The following DCHS2 variants were observed in gnomAD, a reference collection of about 807,000 sequenced individuals.
The protein encoded by DCHS2 is dachsous cadherin-related 2.
DCHS2 carries 142 observed loss-of-function variants against 182.4 expected under a neutral mutation model. The observed-to-expected ratio is 0.78, with a 90% CI of 0.68 to 0.89. The LOEUF (loss-of-function observed/expected upper bound fraction) is 0.89, where lower values mean the gene tolerates loss of function less well. Among genes scored for constraint, DCHS2 ranks in the 40% least tolerant of loss-of-function variants. The pLI, the probability that DCHS2 is intolerant of heterozygous loss-of-function variation, is 0.00. For synonymous variants in DCHS2, 1,740 were observed against 1,663.3 expected (o/e 1.05, Z -1.12); for missense variants, 4,319 against 4,198.6 (o/e 1.03, Z -0.79).
In DCHS2 at chr4:154,383,023, A is replaced by T. The variant is rs557564917; in HGVS notation, c.2053-5579T>A. Among the ~76,000 whole-genome samples the T allele has an allele frequency of 1.5e-4, 23 of 152,366 alleles. No individual in the cohort carries two copies. In the East Asian group the frequency reaches 3.3e-3, roughly 22 times the overall value. On this transcript the variant is annotated intron_variant, in intron 1 of 19. Coordinates refer to ENST00000357232, the MANE Select transcript of DCHS2 (RefSeq NM_001358235.2). ...AGGAAAATAAATTATTCTACCAAAA[A>T]GACACATGCACTTGCATATTCATCA... is the stretch of plus-strand genomic sequence containing the variant.
rs781672624 is a variant in DCHS2, at chr4:154,329,615, C to T, written c.3826G>A (p.Ala1276Thr). 6 of 1,612,956 alleles carry T rather than the reference C, an allele frequency of 3.7e-6. No homozygotes were observed. Among genetic ancestry groups the T allele is most frequent in the South Asian group, 2.2e-5 (2 of 91,032 alleles). ...VTDRGSPPRN[A>T]TMAVYVSVTD... ...ACTGAGACGTAAACCGCCATGGTGG[C>T]GTTTCGTGGTGGGGAGCCGCGGTCT... Residue 1276 changes from alanine (A) to threonine (T), a missense_variant, in exon 6 of 20, where the codon GCC becomes ACC. By Grantham distance (58) the Ala-to-Thr change is moderately conservative (BLOSUM62 0). Transcript: ENST00000357232.
rs751710208 is a variant in DCHS2 at position 154,235,045 on chromosome 4, C to A, written c.9607G>T (p.Glu3203Ter). 6.2e-7 allele frequency: 1 copy of A among 1,613,986 alleles called. No homozygotes were observed. Among genetic ancestry groups the A allele is most frequent in the Non-Finnish European group, 8.5e-7 (1 of 1,179,962 alleles). ...TGATCACCTGAAATAAAGACAGACTCTTTTCTAACGTCAGCCAGGATGCTC... is the reference window on the plus strand; with the variant it reads ...TGATCACCTGAAATAAAGACAGACTATTTTCTAACGTCAGCCAGGATGCTC... ...KESILADVRKESVFISGDQEV... is the reference protein window; with the variant it reads ...KESILADVRK The change falls in exon 20 of 20, where the codon GAG becomes TAG. Residue 3203 changes from glutamate to a stop codon, truncating the protein, a stop_gained. Coordinates refer to ENST00000357232, the MANE Select transcript of DCHS2 (RefSeq NM_001358235.2). LOFTEE classifies it low-confidence loss of function (END_TRUNC).
In DCHS2 at chr4:154,236,980, G is replaced by A. The variant is rs1185840282; in HGVS notation, c.7672C>T (p.Leu2558=). ...EFTVKSYNLS[L]SEDALVGSTL... ...CTTCCAACCAGAGCATCCTCACTTAGGCTAAGATTATAGGATTTGACTGTG... is the reference window on the plus strand; with the variant it reads ...CTTCCAACCAGAGCATCCTCACTTAAGCTAAGATTATAGGATTTGACTGTG... The change falls in exon 20 of 20, where the codon CTA becomes TTA. Residue 2558 remains leucine (L), a synonymous_variant. Transcript: ENST00000357232. The A allele has an allele frequency of 1.2e-6, 2 of 1,613,906 alleles. No homozygotes were observed. Among genetic ancestry groups the A allele is most frequent in the African/African-American group, 1.3e-5 (1 of 74,920 alleles).
In DCHS2 at chr4:154,348,003, A is replaced by G. The variant is rs529975550; in HGVS notation, c.2477-12899T>C. The stretch of plus-strand genomic sequence containing the variant: ...GACTCTTATAGTTTGCATGGGGTTT[A>G]CAATGTGTTCCCCTAAGTTAATATT... On this transcript the variant is annotated intron_variant, in intron 3 of 19. Transcript: ENST00000357232. Among the ~76,000 whole-genome samples the G allele has an allele frequency of 2.0e-5, 3 of 152,142 alleles. No homozygotes were observed. In the East Asian group the frequency reaches 5.8e-4, roughly 29 times the overall value.
intron 10 of DCHS2, among the ~76,000 whole-genome samples, chr4:154,308,944 G>A (rs1454794259): frequency 4.6e-5 from 7 of 152,110 alleles, no homozygotes; most frequent in Non-Finnish European, 1.0e-4. Context: ...GAGTTAATGG[G>A]TAAGAGGGAA....
intron 10 of DCHS2, among the ~76,000 whole-genome samples, chr4:154,307,169 ACCTTACAC>A (rs1301896393): frequency 4.6e-5 from 7 of 152,166 alleles, no homozygotes; most frequent in Non-Finnish European, 2.9e-5. Context: ...AGTGCCTTGC[ACCTTACAC>A]CCTTACACCC....
At chr4:154,299,567 A>G (rs1057332993) in intron 12 of DCHS2, among the ~76,000 whole-genome samples, 7 of 152,194 alleles carry the variant, frequency 4.6e-5, no homozygotes, top group African/African-American at 1.4e-4. Flanking sequence ...GACCAAGTGG[A>G]ATGGCATTCA....
At position 154,350,698 on chromosome 4, in the gene DCHS2, C is replaced by T. The variant is rs191713643; in HGVS notation, c.2476+15512G>A. 7.2e-5 allele frequency among the ~76,000 whole-genome samples: 11 copies of T among 151,862 alleles called. No homozygotes were observed. In the East Asian group the frequency reaches 2.1e-3, roughly 29 times the overall value. The stretch of plus-strand genomic sequence containing the variant: ...TATATTTGTGATTTTGATTTTTAGG[C>T]AACACTTACCATCTATTTTTTTTGC... On this transcript the variant is annotated intron_variant, in intron 3 of 19. Coordinates refer to ENST00000357232, the MANE Select transcript of DCHS2 (RefSeq NM_001358235.2).
chr4:154,339,130 C>A (rs145193409), intron 3 of DCHS2, among the ~76,000 whole-genome samples: 4 of 152,276 alleles, frequency 2.6e-5, no homozygotes, highest in Non-Finnish European at 5.9e-5. Context: ...GCCTGAGAGC[C>A]AGGTAGTCAG....
chr4:154,426,441 A>G (rs2110924810), intron 1 of DCHS2, among the ~76,000 whole-genome samples: 1 of 152,242 alleles, frequency 6.6e-6, no homozygotes, highest in South Asian at 2.1e-4. Context: ...ATGATGATCT[A>G]GGTAACATAA....
chr4:154,334,811 A>T, intron 4 of DCHS2, 57 bp downstream of exon 4: 1 of 1,433,934 alleles, frequency 7.0e-7, no homozygotes, highest in Non-Finnish European at 9.8e-7. Context: ...CGCCTACAAA[A>T]AAACAAGAAA....
At chr4:154,363,691 G>A (rs534591643) in intron 3 of DCHS2, among the ~76,000 whole-genome samples, 64 of 152,166 alleles carry the variant, frequency 4.2e-4, no homozygotes, top group Non-Finnish European at 8.7e-4. Context: ...ATTACTAAGA[G>A]AGTAGGTCTT....
chr4:154,308,736 G>A (rs1354282653), intron 10 of DCHS2, among the ~76,000 whole-genome samples: 1 of 152,172 alleles, frequency 6.6e-6, no homozygotes, highest in Non-Finnish European at 1.5e-5. Flanking sequence ...TATATAAAGA[G>A]TGATCTTAGG....
At chr4:154,355,604 G>A (rs1294620196) in intron 3 of DCHS2, 1 of 152,040 alleles carries the variant, frequency 6.6e-6, no homozygotes, top group Non-Finnish European at 1.5e-5. Context: ...ATTCATTCTT[G>A]CGTGAGGTCC....
intron 3 of DCHS2, among the ~76,000 whole-genome samples, chr4:154,354,035 T>A (rs1432929855): frequency 6.6e-6 from 1 of 152,132 alleles, no homozygotes; most frequent in East Asian, 1.9e-4. Context: ...CAAGCAATCC[T>A]TCCACCTCAG....
chr4:154,242,693 T>G lies in DCHS2; in HGVS notation c.7021A>C (p.Asn2341His). ...TVIKVQVTDI[N>H]DNAPAFLPSE... ...GGGAGAAAAGCTGGGGCATTGTCATTTATATCAGTCACCTGTACCTTGATT... is the reference window on the plus strand; with the variant it reads ...GGGAGAAAAGCTGGGGCATTGTCATGTATATCAGTCACCTGTACCTTGATT... The change falls in exon 17 of 20, where the codon AAT (asparagine) becomes CAT (histidine). Residue 2341 changes from asparagine (N) to histidine (H), a missense_variant. Coordinates refer to ENST00000357232, the MANE Select transcript of DCHS2 (RefSeq NM_001358235.2). The G allele has an allele frequency of 1.2e-6, 2 of 1,613,230 alleles. No individual in the cohort carries two copies. Among genetic ancestry groups the G allele is most frequent in the Non-Finnish European group, 1.7e-6 (2 of 1,179,452 alleles).
rs141221497 is a variant in DCHS2 at position 154,236,825 on chromosome 4, A to G, written c.7827T>C (p.Tyr2609=). ...CAAGATAACCGACTTGCTTATAAGGATATTCTGAATGAAAGAACTTAGTTT... is the reference window on the plus strand; with the variant it reads ...CAAGATAACCGACTTGCTTATAAGGGTATTCTGAATGAAAGAACTTAGTTT... The part of the protein sequence containing the change: ...HVETKFFHSE[Y]PYKQVGYLVL... The change falls in exon 20 of 20, where the codon TAT becomes TAC. Residue 2609 remains tyrosine (Y), a synonymous_variant. Transcript: ENST00000357232. 415 of 1,614,064 alleles carry G rather than the reference A, an allele frequency of 2.6e-4. 4 individuals are homozygous for G. The Middle Eastern group carries it at 4.1e-3, about 16-fold the overall frequency.
At chr4:154,373,974 T>A (rs946807596) in intron 2 of DCHS2, 2 of 1,501,184 alleles carry the variant, frequency 1.3e-6, no homozygotes, top group Non-Finnish European at 9.1e-7. Flanking sequence ...AATGAATTGA[T>A]CCTTTTTGGA....
intron 13 of DCHS2, among the ~76,000 whole-genome samples, chr4:154,278,384 T>C (rs901509407): frequency 5.3e-5 from 8 of 151,804 alleles, no homozygotes; most frequent in African/African-American, 1.9e-4. Flanking sequence ...CATCATCAAG[T>C]GGACCAATAT....
Sources: allele counts gnomAD v4.1 joint callset (sites outside exome capture counted in the v4.1 genomes callset), GRCh38; gene constraint gnomAD v4.1.1; transcripts MANE v1.5; gene names NCBI Gene and HGNC (gene_info 2026-07-23, HGNC 2026-07-21).